HS6ST2: variants seen among roughly 807,000 people sequenced by gnomAD.
The protein encoded by HS6ST2 is heparan-sulfate 6-O-sulfotransferase 2.
A neutral mutation model predicts 33.0 loss-of-function variants in HS6ST2; 17 were observed. The ratio of observed to expected loss-of-function variants is 0.52; its 90% CI spans 0.35 to 0.77. The LOEUF (loss-of-function observed/expected upper bound fraction) is 0.77, where lower values mean the gene tolerates loss of function less well. Among genes scored for constraint, HS6ST2 ranks in the 30% least tolerant of loss-of-function variants. The pLI, the probability that HS6ST2 is intolerant of heterozygous loss-of-function variation, is 0.01. For missense variants in HS6ST2, 519 were observed against 551.7 expected (o/e 0.94, Z 0.59); for synonymous variants, 248 against 237.1 (o/e 1.05, Z -0.42).
chrX:132,825,642 C>A (rs2065510008), intron 2 of HS6ST2, among the ~76,000 whole-genome samples: 3 of 111,880 alleles, frequency 2.7e-5, no homozygotes, highest in South Asian at 3.8e-4. Flanking sequence ...TCCACTTTCT[C>A]ATTTGTAATA....
chrX:132,711,890 C>A (rs902484331), intron 2 of HS6ST2, among the ~76,000 whole-genome samples: 1 of 111,601 alleles, frequency 9.0e-6, no homozygotes, highest in East Asian at 2.8e-4. Flanking sequence ...CCACCCTCCA[C>A]ATTTCTCTTT....
chrX:132,835,519 T>C (rs1409768832), intron 2 of HS6ST2, among the ~76,000 whole-genome samples: 1 of 112,223 alleles, frequency 8.9e-6, no homozygotes, highest in Non-Finnish European at 1.9e-5. Context: ...CTTCTCCAAA[T>C]TGTAGCTGTA....
rs148387350 is a variant in HS6ST2, at chrX:132,757,141, T to G, written c.948-48647A>C. On this transcript the variant is annotated intron_variant, in intron 2 of 4. Coordinates refer to ENST00000370833, the MANE Select transcript of HS6ST2 (RefSeq NM_001394073.1). ...GCAATCAAAGTCACAAGGAGCATCC[T>G]CTGGAGAAACCCTAACAGCTGGGGC... is the stretch of plus-strand genomic sequence containing the variant. Among the ~76,000 whole-genome samples the G allele has an allele frequency of 5.2e-3, 576 of 111,562 alleles. 5 individuals are homozygous for G. The highest frequency in any genetic ancestry group is 7.0e-3 in the Non-Finnish European group (374 of 53,102).
At chrX:132,876,977 C>A (rs1009248123) in intron 2 of HS6ST2, among the ~76,000 whole-genome samples, 3 of 111,925 alleles carry the variant, frequency 2.7e-5, no homozygotes, top group African/African-American at 6.5e-5. Flanking sequence ...ATATTTAGTC[C>A]TTTTTATTGG....
chrX:132,913,007 C>G (rs2066548850), intron 2 of HS6ST2, among the ~76,000 whole-genome samples: 1 of 110,835 alleles, frequency 9.0e-6, no homozygotes, highest in Non-Finnish European at 1.9e-5. Context: ...TTTGAATACT[C>G]ACAAACCAAT....
At chrX:132,656,159 G>A (rs1264133026) in intron 4 of HS6ST2, among the ~76,000 whole-genome samples, 4 of 111,640 alleles carry the variant, frequency 3.6e-5, no homozygotes, top group African/African-American at 1.3e-4. Flanking sequence ...GTAATCTTAG[G>A]GAACAATCAC....
chrX:132,785,481 T>A (rs1247980933), intron 2 of HS6ST2, among the ~76,000 whole-genome samples: 1 of 112,238 alleles, frequency 8.9e-6, no homozygotes, highest in Non-Finnish European at 1.9e-5. Context: ...ATCTAATCTC[T>A]AGCATTGCTG....
At chrX:132,901,663 C>T (rs908685270) in intron 2 of HS6ST2, among the ~76,000 whole-genome samples, 1 of 111,558 alleles carries the variant, frequency 9.0e-6, no homozygotes, top group African/African-American at 3.3e-5. Context: ...CCCAAATATC[C>T]TATGCCTTGG....
chrX:132,806,080 G>T (rs921027477), intron 2 of HS6ST2, among the ~76,000 whole-genome samples: 2 of 110,048 alleles, frequency 1.8e-5, no homozygotes, highest in African/African-American at 6.5e-5. Flanking sequence ...CTTTGCCTTG[G>T]TATACCACAT....
intron 2 of HS6ST2, among the ~76,000 whole-genome samples, chrX:132,930,815 T>C (rs1288090996): frequency 9.0e-6 from 1 of 111,469 alleles, no homozygotes; most frequent in Non-Finnish European, 1.9e-5. Flanking sequence ...CTGTGAAAAT[T>C]AAACTCACAG....
intron 4 of HS6ST2, among the ~76,000 whole-genome samples, chrX:132,637,770 AT>A (rs1569475839): frequency 1.4e-5 from 1 of 73,018 alleles, no homozygotes; most frequent in African/African-American, 5.4e-5. Context: ...AATATTATAT[AT>A]TTATATATAT....
chrX:132,895,465 A>G (rs1252340940), intron 2 of HS6ST2, among the ~76,000 whole-genome samples: 3 of 111,633 alleles, frequency 2.7e-5, no homozygotes, highest in Non-Finnish European at 5.6e-5. Context: ...ACATACATAT[A>G]CACATATATA....
chrX:132,646,638 C>A (rs890885379), intron 4 of HS6ST2, among the ~76,000 whole-genome samples: 14 of 110,673 alleles, frequency 1.3e-4, no homozygotes, highest in Non-Finnish European at 3.8e-5. Context: ...AAGAGCAAGG[C>A]CATCTAGTTG....
chrX:132,724,466 A>G (rs1204278717), intron 2 of HS6ST2, among the ~76,000 whole-genome samples: 1 of 111,896 alleles, frequency 8.9e-6, no homozygotes, highest in Non-Finnish European at 1.9e-5. Context: ...AAAGATCTCT[A>G]TAAAAAAACT....
chrX:132,631,818 C>T (rs1251586686), intron 4 of HS6ST2, among the ~76,000 whole-genome samples: 5 of 111,117 alleles, frequency 4.5e-5, no homozygotes, highest in Non-Finnish European at 1.9e-5. Flanking sequence ...TAAGAGTGCA[C>T]CACAGTGGAA....
intron 2 of HS6ST2, among the ~76,000 whole-genome samples, chrX:132,733,722 G>C (rs2148279727): frequency 9.0e-6 from 1 of 111,090 alleles, no homozygotes; most frequent in South Asian, 3.9e-4. Context: ...GAAAGGTCTA[G>C]AAGAGTGTTA....
chrX:132,937,147 T>G (rs1014362214), intron 2 of HS6ST2, among the ~76,000 whole-genome samples: 12 of 110,639 alleles, frequency 1.1e-4, no homozygotes, highest in Non-Finnish European at 2.1e-4. Flanking sequence ...AGGAATAAAT[T>G]TAATCAAGGA....
intron 2 of HS6ST2, among the ~76,000 whole-genome samples, chrX:132,823,853 AAATAAT>A (rs34008866): frequency 2.9e-4 from 27 of 92,513 alleles, no homozygotes; most frequent in Admixed American, 6.0e-4. Flanking sequence ...ACTTCATAAA[AAATAAT>A]AATAATAATA....
upstream of HS6ST2, chrX:132,958,702 A>G (rs2067120765): frequency 4.9e-6 from 4 of 814,784 alleles, no homozygotes; most frequent in East Asian, 7.0e-5. Context: ...TCACAAGCAG[A>G]GAACCTGGGT....
Sources: gnomAD v4.1 joint callset for allele counts (sites outside exome capture counted in the v4.1 genomes callset) on GRCh38, gnomAD v4.1.1 for gene constraint, MANE v1.5 for transcripts, NCBI Gene and HGNC (gene_info 2026-07-23, HGNC 2026-07-21) for gene names.